The following NBAS variants were observed in gnomAD, a reference collection of about 807,000 sequenced individuals.
NBAS encodes NAG/BC035112 fusion.
A neutral mutation model predicts 302.5 loss-of-function variants in NBAS; 219 were observed. The ratio of observed to expected loss-of-function variants is 0.72; its 90% CI spans 0.65 to 0.81. The LOEUF (loss-of-function observed/expected upper bound fraction) is 0.81. NBAS is among the 30% of genes least tolerant of loss of function. The pLI is 0.00. For missense variants in NBAS, 2,932 were observed against 2,841.6 expected (o/e 1.03, Z -0.72); for synonymous variants, 1,118 against 1,021.6 (o/e 1.09, Z -1.80).
At chr2:14,883,518 A>G in the NBAS span, among the ~76,000 whole-genome samples, 1 of 152,176 alleles carries the variant, frequency 6.6e-6, no homozygotes, top group Non-Finnish European at 1.5e-5. Flanking sequence ...AAGGGAAGTG[A>G]CTCCTGAGGT....
rs1669540108 is a variant in NBAS, at chr2:15,275,633, C to A, written c.5575G>T (p.Asp1859Tyr). 2 of 1,614,176 alleles carry A rather than the reference C, an allele frequency of 1.2e-6. No homozygotes were observed. Among genetic ancestry groups the A allele is most frequent in the African/African-American group, 2.7e-5 (2 of 75,050 alleles). ...GGGACTTGTTTAATGAGATGAGGGT[C>A]TCCAGTCCAGAACAACTTCTGTAAC... ...IWLQKLFWTGDPHLIKQVPGS... is the reference protein window; with the variant it reads ...IWLQKLFWTGYPHLIKQVPGS... The change falls in exon 44 of 52, where the codon GAC becomes TAC. Residue 1859 changes from aspartate (D) to tyrosine (Y), a missense_variant. By Grantham distance (160) the Asp-to-Tyr change is radical (BLOSUM62 -3). Transcript: ENST00000281513.
chr2:15,059,527 T>C, the NBAS span, among the ~76,000 whole-genome samples: 49 of 152,102 alleles, frequency 3.2e-4, no homozygotes, highest in African/African-American at 1.2e-3. Flanking sequence ...AGCCCATGCC[T>C]GAGTGATGGA....
chr2:15,231,335 A>G (rs956722416), intron 47 of NBAS, among the ~76,000 whole-genome samples: 5 of 152,166 alleles, frequency 3.3e-5, no homozygotes, highest in African/African-American at 1.2e-4. Flanking sequence ...ACCTTCACCT[A>G]CATAGCTCAT....
the NBAS span, among the ~76,000 whole-genome samples, chr2:14,933,725 C>T: frequency 8.5e-4 from 129 of 152,224 alleles, no homozygotes; most frequent in African/African-American, 2.7e-3. Context: ...CATGATGATA[C>T]GTGAGCTGTT....
intron 32 of NBAS, among the ~76,000 whole-genome samples, chr2:15,365,846 C>T (rs1387061117): frequency 6.6e-6 from 1 of 152,022 alleles, no homozygotes; most frequent in East Asian, 1.9e-4. Flanking sequence ...ACCAACAACT[C>T]TTCTTGCAGA....
the NBAS span, among the ~76,000 whole-genome samples, chr2:15,114,592 A>C: frequency 2.9e-3 from 436 of 152,280 alleles, 1 homozygote; most frequent in African/African-American, 9.9e-3. Context: ...TACCACCTTC[A>C]CAAATAAACA....
chr2:15,561,063 A>G (rs1343668940), intron 1 of NBAS, 125 bp downstream of exon 1: 4 of 464,898 alleles, frequency 8.6e-6, no homozygotes, highest in African/African-American at 2.5e-5. Flanking sequence ...AGGCGACCGC[A>G]CAAGCCAACC....
At chr2:15,055,087 G>T in the NBAS span, among the ~76,000 whole-genome samples, 1 of 152,170 alleles carries the variant, frequency 6.6e-6, no homozygotes, top group Non-Finnish European at 1.5e-5. Context: ...TTCATCCACA[G>T]CTCCCCATGT....
At chr2:14,885,666 A>G in the NBAS span, among the ~76,000 whole-genome samples, 1 of 152,126 alleles carries the variant, frequency 6.6e-6, no homozygotes, top group Non-Finnish European at 1.5e-5. Context: ...AATGCCTAAG[A>G]CTCAGTCCTC....
chr2:14,821,130 A>G, the NBAS span, among the ~76,000 whole-genome samples: 5 of 151,920 alleles, frequency 3.3e-5, no homozygotes, highest in Non-Finnish European at 7.4e-5. Flanking sequence ...GTTTCACCGT[A>G]TTAGCCAGAA....
At chr2:15,238,986 C>T (rs945397968) in intron 44 of NBAS, among the ~76,000 whole-genome samples, 2 of 151,984 alleles carry the variant, frequency 1.3e-5, no homozygotes, top group Non-Finnish European at 2.9e-5. Context: ...ATTTCTACAG[C>T]CATATTCCCA....
At chr2:15,085,106 C>T in the NBAS span, among the ~76,000 whole-genome samples, 1 of 152,176 alleles carries the variant, frequency 6.6e-6, no homozygotes, top group Non-Finnish European at 1.5e-5. Context: ...AGCAATACAG[C>T]GGAGGAGCAA....
At chr2:15,260,477 C>T (rs900660840) in intron 44 of NBAS, among the ~76,000 whole-genome samples, 4 of 151,980 alleles carry the variant, frequency 2.6e-5, no homozygotes, top group African/African-American at 7.3e-5. Context: ...GCTCTGGAGC[C>T]TTTAAGCTTC....
intron 38 of NBAS, among the ~76,000 whole-genome samples, 178 bp from the exon 39 acceptor site, chr2:15,309,425 C>A (rs1671180018): frequency 6.6e-6 from 1 of 152,152 alleles, no homozygotes; most frequent in South Asian, 2.1e-4. Context: ...TAAATAGTAA[C>A]CTTGCCTTAA....
Position 15,347,810 on chromosome 2 carries a change from A to G in NBAS, c.4179+4182T>C, listed in dbSNP as rs115608953. 5.1e-3 allele frequency among the ~76,000 whole-genome samples: 772 copies of G among 152,320 alleles called. 11 individuals are homozygous for G. The highest frequency in any genetic ancestry group is 0.017 in the African/African-American group (715 of 41,586). On this transcript the variant is annotated intron_variant, in intron 35 of 51. Coordinates refer to ENST00000281513, the MANE Select transcript of NBAS (RefSeq NM_015909.4). Reference sequence around the variant, plus strand: ...ATTAATAAGAAATTGGAAATCTGTAATTTTGGTAGTTATTCACAAATTATG... The same window carrying G: ...ATTAATAAGAAATTGGAAATCTGTAGTTTTGGTAGTTATTCACAAATTATG...
At chr2:15,281,112 T>C (rs1291589821) in intron 42 of NBAS, among the ~76,000 whole-genome samples, 2 of 152,196 alleles carry the variant, frequency 1.3e-5, no homozygotes, top group Non-Finnish European at 2.9e-5. Flanking sequence ...CTATTTCTCA[T>C]CATGCTGATA....
At chr2:14,788,321 C>T in the NBAS span, among the ~76,000 whole-genome samples, 28 of 152,304 alleles carry the variant, frequency 1.8e-4, no homozygotes, top group East Asian at 3.5e-3. Flanking sequence ...TCTCTCAACT[C>T]GTCAAAGTCA....
At chr2:15,151,158 A>G in the NBAS span, among the ~76,000 whole-genome samples, 11 of 152,206 alleles carry the variant, frequency 7.2e-5, no homozygotes, top group Admixed American at 7.2e-4. Flanking sequence ...GTGCCCTTCC[A>G]GGATATATTT....
At chr2:15,178,606 T>C (rs1664664705) in intron 51 of NBAS, among the ~76,000 whole-genome samples, 1 of 152,172 alleles carries the variant, frequency 6.6e-6, no homozygotes, top group Non-Finnish European at 1.5e-5. Context: ...AACACACACA[T>C]CCACAGATGG....
Sources: gnomAD v4.1 joint callset for allele counts (sites outside exome capture counted in the v4.1 genomes callset) on GRCh38, gnomAD v4.1.1 for gene constraint, MANE v1.5 for transcripts, NCBI Gene and HGNC (gene_info 2026-07-23, HGNC 2026-07-21) for gene names.